The following RASSF5 variants were observed in gnomAD, a reference collection of about 807,000 sequenced individuals.
The protein encoded by RASSF5 is Ras association domain family member 5.
Under a neutral mutation model 40.5 loss-of-function variants are expected in RASSF5, and 25 were observed. The ratio of observed to expected loss-of-function variants is 0.62; its 90% CI spans 0.45 to 0.86. RASSF5 has a LOEUF of 0.86. RASSF5 is among the 40% of genes least tolerant of loss of function. The pLI is 0.00. For synonymous variants in RASSF5, 246 were observed against 252.4 expected (o/e 0.97, Z 0.24); for missense variants, 521 against 572.8 (o/e 0.91, Z 0.92).
intron 1 of RASSF5, among the ~76,000 whole-genome samples, chr1:206,515,207 G>A (rs926324107): frequency 1.3e-5 from 2 of 152,174 alleles, no homozygotes; most frequent in Non-Finnish European, 2.9e-5. Flanking sequence ...AAAAAGGGAG[G>A]TGAGCCCTAT....
At position 206,531,123 on chromosome 1, in the gene RASSF5, A is replaced by G. The variant is rs1035249248; in HGVS notation, c.458-7049A>G. Among the ~76,000 whole-genome samples, 5 of 152,232 alleles carry G rather than the reference A, an allele frequency of 3.3e-5. No individual in the cohort carries two copies. The highest frequency in any genetic ancestry group is 7.3e-5 in the Non-Finnish European group (5 of 68,038). On this transcript the variant is annotated intron_variant, in intron 1 of 5. Transcript: ENST00000579436. The surrounding 1 kb of genome is among the most constrained non-coding windows in gnomAD (Gnocchi z 4.7). ...CTCCATTTAACAGATGAGGAAACCA[A>G]GGCCACTAGAGGTTAGGACACCGGC...
chr1:206,564,983 A>G (rs1425934645), intron 2 of RASSF5, among the ~76,000 whole-genome samples: 1 of 152,064 alleles, frequency 6.6e-6, no homozygotes, highest in Admixed American at 6.6e-5. Flanking sequence ...GCTTTAGCTA[A>G]TCACTCTCCA....
intron 1 of RASSF5, among the ~76,000 whole-genome samples, chr1:206,511,272 C>A (rs1553394610): frequency 6.6e-6 from 1 of 152,180 alleles, no homozygotes; most frequent in African/African-American, 2.4e-5. Flanking sequence ...GCATTTCTAG[C>A]ATTCTAGGAG....
At chr1:206,585,583 A>G (rs1158987579) in intron 5 of RASSF5, 4 of 253,736 alleles carry the variant, frequency 1.6e-5, no homozygotes, top group Admixed American at 5.0e-5. Context: ...GGACCAAGAA[A>G]CTCCCTGTGC....
At chr1:206,557,183 G>A in intron 2 of RASSF5, 1 of 1,028,496 alleles carries the variant, frequency 9.7e-7, no homozygotes, top group Non-Finnish European at 1.2e-6. Context: ...TTACGCGAGG[G>A]GCAGGAAAGG....
chr1:206,518,662 A>C, intron 1 of RASSF5: 27 of 384,342 alleles, frequency 7.0e-5, no homozygotes, highest in East Asian at 7.4e-5. Context: ...TGCTGAGCTC[A>C]GCACCACTCC....
Position 206,552,969 on chromosome 1 carries a change from C to A in RASSF5, c.579+14676C>A, listed in dbSNP as rs782007422. ...CTGTAATCCCAGCACTTTGGGAGGCCGAGGCAGGCAGATCACGAGGTCAGG... is the reference window on the plus strand; with the variant it reads ...CTGTAATCCCAGCACTTTGGGAGGCAGAGGCAGGCAGATCACGAGGTCAGG... On this transcript the variant is annotated intron_variant, in intron 2 of 5. Coordinates refer to ENST00000579436, the MANE Select transcript of RASSF5 (RefSeq NM_182663.4). The surrounding 1 kb of genome is among the most constrained non-coding windows in gnomAD (Gnocchi z 4.1). Among the ~76,000 whole-genome samples the A allele has an allele frequency of 1.3e-5, 2 of 151,952 alleles. No homozygotes were observed. The highest frequency in any genetic ancestry group is 4.2e-4 in the South Asian group (2 of 4,816).
chr1:206,527,734 C>G (rs1667133110), intron 1 of RASSF5, among the ~76,000 whole-genome samples: 2 of 152,126 alleles, frequency 1.3e-5, no homozygotes, highest in Non-Finnish European at 2.9e-5. Flanking sequence ...CACTCCTTGC[C>G]CAAATGCCTT....
intron 1 of RASSF5, among the ~76,000 whole-genome samples, chr1:206,522,302 C>T (rs528636951): frequency 2.4e-4 from 36 of 152,210 alleles, no homozygotes; most frequent in Admixed American, 2.0e-3. Context: ...AGAGGGGAGA[C>T]GGAACCGTAG....
In RASSF5 at chr1:206,579,231, C is replaced by T. The variant is rs782234764; in HGVS notation, c.580-4038C>T. ...CTGCCACCAATGCCAGGGGCTTAATCGGAATAGATGAATTCCATGCCAGAT... is the reference window on the plus strand; with the variant it reads ...CTGCCACCAATGCCAGGGGCTTAATTGGAATAGATGAATTCCATGCCAGAT... On this transcript the variant is annotated intron_variant, in intron 2 of 5. Coordinates refer to ENST00000579436, the MANE Select transcript of RASSF5 (RefSeq NM_182663.4). This position sits in a 1 kb window ranked among gnomAD's most constrained non-coding sequence, Gnocchi z 4.2. 4.6e-5 allele frequency among the ~76,000 whole-genome samples: 7 copies of T among 152,232 alleles called. No homozygotes were observed. The highest frequency in any genetic ancestry group is 1.0e-4 in the Non-Finnish European group (7 of 68,040).
chr1:206,556,816 G>T (rs1668001531), intron 2 of RASSF5, among the ~76,000 whole-genome samples: 1 of 152,126 alleles, frequency 6.6e-6, no homozygotes, highest in South Asian at 2.1e-4. Context: ...CCCCCACCCA[G>T]CGAATGGGGG....
intron 1 of RASSF5, among the ~76,000 whole-genome samples, chr1:206,509,773 C>T (rs970771162): frequency 3.3e-5 from 5 of 150,894 alleles, no homozygotes; most frequent in South Asian, 2.1e-4. Context: ...TGTGTATTTG[C>T]GTGTGCCTGT....
chr1:206,534,014 C>T (rs1667316887), intron 1 of RASSF5, among the ~76,000 whole-genome samples: 1 of 152,192 alleles, frequency 6.6e-6, no homozygotes, highest in South Asian at 2.1e-4. Context: ...CAACAAAGGA[C>T]TCTCCTGCAT....
intron 2 of RASSF5, chr1:206,541,901 C>T (rs1553399409): frequency 6.6e-6 from 1 of 152,190 alleles, no homozygotes; most frequent in African/African-American, 2.4e-5. Context: ...CTTTCGCTGC[C>T]TATGGAGAAG....
At position 206,589,244 on chromosome 1, in the gene RASSF5, A is replaced by G. The variant is rs1669263851; in HGVS notation, c.*2266A>G. Reference sequence around the variant, plus strand: ...AATGTCTTTCTTATATGGGTTTTAAAAAAAAGTAATAAAAGCCTGTTGCAA... The same window carrying G: ...AATGTCTTTCTTATATGGGTTTTAAGAAAAAGTAATAAAAGCCTGTTGCAA... On this transcript the variant is annotated 3_prime_UTR_variant, in exon 6 of 6. Transcript: ENST00000579436. The G allele has an allele frequency of 6.5e-6, 1 of 152,736 alleles. No individual in the cohort carries two copies. The highest frequency in any genetic ancestry group is 6.5e-5 in the Admixed American group (1 of 15,272). 9.5% of individuals were successfully genotyped at this position (152,736 alleles called of 1,614,324 possible).
At chr1:206,509,402 G>A (rs1276144903) in intron 1 of RASSF5, among the ~76,000 whole-genome samples, 1 of 152,252 alleles carries the variant, frequency 6.6e-6, no homozygotes, top group Admixed American at 6.5e-5. Context: ...CCCCAGTTCA[G>A]GTGCTAATTA....
At chr1:206,512,432 G>T (rs1395621039) in intron 1 of RASSF5, among the ~76,000 whole-genome samples, 2 of 152,160 alleles carry the variant, frequency 1.3e-5, no homozygotes, top group Non-Finnish European at 2.9e-5. Flanking sequence ...AGTGTGGGGG[G>T]CTTGAATCCC....
chr1:206,585,087 A>C (rs1572374451), intron 4 of RASSF5, 93 bp from the exon 5 acceptor site: 1 of 866,032 alleles, frequency 1.2e-6, no homozygotes, highest in Non-Finnish European at 1.9e-6. Context: ...AGTTGTACGT[A>C]CCCCACCTCT....
At chr1:206,569,262 GAAA>G (rs1668373364) in intron 2 of RASSF5, among the ~76,000 whole-genome samples, 2 of 152,246 alleles carry the variant, frequency 1.3e-5, no homozygotes, top group Admixed American at 1.3e-4. Flanking sequence ...TAAGGTTACA[GAAA>G]GACTGTGGGC....
Sources: gnomAD v4.1 joint callset for allele counts (sites outside exome capture counted in the v4.1 genomes callset) on GRCh38, gnomAD v4.1.1 for gene constraint, Gnocchi (gnomAD v3.1) non-coding constraint, MANE v1.5 for transcripts, NCBI Gene and HGNC (gene_info 2026-07-23, HGNC 2026-07-21) for gene names.